RIMKLA: variants seen among roughly 807,000 people sequenced by gnomAD.
The protein encoded by RIMKLA is ribosomal modification protein rimK like family member A.
A neutral mutation model predicts 32.7 loss-of-function variants in RIMKLA; 14 were observed. The observed-to-expected ratio is 0.43, with a 90% confidence interval of 0.28 to 0.67. The LOEUF is 0.67. Among genes scored for constraint, RIMKLA ranks in the 30% least tolerant of loss-of-function variants. The pLI, the probability that RIMKLA is intolerant of heterozygous loss-of-function variation, is 0.18. For missense variants in RIMKLA, 410 were observed against 519.0 expected (o/e 0.79, Z 2.04); for synonymous variants, 176 against 204.1 (o/e 0.86, Z 1.18).
intron 1 of RIMKLA, among the ~76,000 whole-genome samples, chr1:42,385,631 C>T (rs1333016691): frequency 6.6e-6 from 1 of 151,976 alleles, no homozygotes; most frequent in Non-Finnish European, 1.5e-5. Flanking sequence ...ACCCCATGAA[C>T]TATGTTAGGA....
Position 42,415,138 on chromosome 1 carries a change from T to C in RIMKLA, c.*164T>C. ...ATGATTTAAGCAAATGGCCTAGCTT[T>C]GTGGTTTTTACAAAGACAAATATAA... is the stretch of plus-strand genomic sequence containing the variant. On this transcript the variant is annotated 3_prime_UTR_variant, in exon 5 of 5. Coordinates refer to ENST00000431473, the MANE Select transcript of RIMKLA (RefSeq NM_173642.4). The C allele has an allele frequency of 2.7e-6, 2 of 729,018 alleles. No individual in the cohort carries two copies. Among genetic ancestry groups the C allele is most frequent in the Non-Finnish European group, 4.4e-6 (2 of 458,276 alleles). The allele number at this position is 729,018 out of a possible 1,614,324, so 45.2% of individuals were successfully genotyped here.
chr1:42,390,036 CTTTTT>C (rs35754511), intron 1 of RIMKLA, among the ~76,000 whole-genome samples: 1 of 111,662 alleles, frequency 9.0e-6, no homozygotes, highest in South Asian at 2.9e-4. Context: ...TTTTCTTTTC[CTTTTT>C]TTTTTTTTTT....
At chr1:42,392,323 G>T (rs915026909) in intron 1 of RIMKLA, among the ~76,000 whole-genome samples, 1 of 151,068 alleles carries the variant, frequency 6.6e-6, no homozygotes, top group Non-Finnish European at 1.5e-5. Flanking sequence ...CCCTCCCCCT[G>T]CTCAACAAGA....
chr1:42,413,695 A>G (rs758323736), intron 4 of RIMKLA, among the ~76,000 whole-genome samples: 1 of 151,554 alleles, frequency 6.6e-6, no homozygotes, highest in Non-Finnish European at 1.5e-5. Flanking sequence ...ATAGTCTTTA[A>G]TCCCCTGTTT....
intron 2 of RIMKLA, among the ~76,000 whole-genome samples, chr1:42,401,706 T>C (rs764728374): frequency 2.4e-4 from 36 of 152,156 alleles, no homozygotes; most frequent in Non-Finnish European, 5.0e-4. Flanking sequence ...AATGGGAAGT[T>C]AGGAAATGGA....
Position 42,422,635 on chromosome 1 carries a change from A to G in RIMKLA, c.*7661A>G, listed in dbSNP as rs1019069993. 6.6e-6 allele frequency: 1 copy of G among 152,172 alleles called. No homozygotes were observed. Among genetic ancestry groups the G allele is most frequent in the Non-Finnish European group, 1.5e-5 (1 of 68,026 alleles). The allele number at this position is 152,172 out of a possible 1,614,324, so 9.4% of individuals were successfully genotyped here. ...TTCTGTGCCTTTTGGTGGTTCTTGT[A>G]AAGTAAGAATCACATGCTGAATCTA... On this transcript the variant is annotated 3_prime_UTR_variant, in exon 5 of 5. Transcript: ENST00000431473.
At chr1:42,390,218 A>G (rs1642989072) in intron 1 of RIMKLA, among the ~76,000 whole-genome samples, 2 of 151,990 alleles carry the variant, frequency 1.3e-5, no homozygotes, top group Admixed American at 6.6e-5. Flanking sequence ...CTGTATTTCT[A>G]GTAGAGATGG....
intron 2 of RIMKLA, 21 bp downstream of exon 2, chr1:42,399,655 T>A (rs1169081934): frequency 6.9e-7 from 1 of 1,444,356 alleles, no homozygotes; most frequent in African/African-American, 1.4e-5. Context: ...TTGAAATAGC[T>A]TCCCAAATCA....
Position 42,399,632 on chromosome 1 carries a change from A to G in RIMKLA, c.392A>G (p.Tyr131Cys), listed in dbSNP as rs1373948095. Residue 131 changes from tyrosine to cysteine, a missense_variant and splice_region_variant, in exon 2 of 5, where the codon TAT becomes TGT. By Grantham distance (194) the Tyr-to-Cys change is radical (BLOSUM62 -2). Coordinates refer to ENST00000431473, the MANE Select transcript of RIMKLA (RefSeq NM_173642.4). ...GTCCCCATGCCAGACACCTTCTCCT[A>G]TGGTGAGTCAGCTTGAAATAGCTTC... The part of the protein sequence containing the change: ...HGVPMPDTFS[Y>C]GGHEDFSKMI... 1 of 1,585,172 alleles carries G rather than the reference A, an allele frequency of 6.3e-7. No homozygotes were observed. Among genetic ancestry groups the G allele is most frequent in the Non-Finnish European group, 8.6e-7 (1 of 1,158,998 alleles).
intron 1 of RIMKLA, among the ~76,000 whole-genome samples, chr1:42,398,388 A>C (rs2148388996): frequency 6.6e-6 from 1 of 152,304 alleles, no homozygotes; most frequent in East Asian, 1.9e-4. Flanking sequence ...GTTTTCTTTG[A>C]TATTGAATTG....
At chr1:42,405,282 C>T (rs928921371) in intron 3 of RIMKLA, among the ~76,000 whole-genome samples, 1 of 152,196 alleles carries the variant, frequency 6.6e-6, no homozygotes. Flanking sequence ...TTTGTATGTG[C>T]CTCTAGCAGA....
chr1:42,392,779 C>G (rs1019112136), intron 1 of RIMKLA, among the ~76,000 whole-genome samples: 3 of 152,102 alleles, frequency 2.0e-5, no homozygotes. Context: ...ATCACCTGAG[C>G]TCAGAAGTTC....
chr1:42,423,907 G>A lies in RIMKLA; in HGVS notation c.*8933G>A, dbSNP rs942271929. Among the ~76,000 whole-genome samples the A allele has an allele frequency of 6.6e-6, 1 of 152,172 alleles. No individual in the cohort carries two copies. The highest frequency in any genetic ancestry group is 1.5e-5 in the Non-Finnish European group (1 of 68,042). On this transcript the variant is annotated 3_prime_UTR_variant, in exon 5 of 5. Transcript: ENST00000431473. ...TCTTGGTGAATCACAGCTCTTTAGAGCTCCTCAAGGGCCTAAGCATCTTTT... is the reference window on the plus strand; with the variant it reads ...TCTTGGTGAATCACAGCTCTTTAGAACTCCTCAAGGGCCTAAGCATCTTTT...
Position 42,423,865 on chromosome 1 carries a change from C to A in RIMKLA, c.*8891C>A, listed in dbSNP as rs976565993. Among the ~76,000 whole-genome samples, 1 of 152,218 alleles carries A rather than the reference C, an allele frequency of 6.6e-6. No individual in the cohort carries two copies. Among genetic ancestry groups the A allele is most frequent in the African/African-American group, 2.4e-5 (1 of 41,450 alleles). On this transcript the variant is annotated 3_prime_UTR_variant, in exon 5 of 5. Coordinates refer to ENST00000431473, the MANE Select transcript of RIMKLA (RefSeq NM_173642.4). ...TCAAAAATGATCGCTCTTCCACTAA[C>A]CTTAGGTCTACTGTACTCTTGGTGA...
At position 42,420,890 on chromosome 1, in the gene RIMKLA, A is replaced by G. The variant is rs1262137387; in HGVS notation, c.*5916A>G. On this transcript the variant is annotated 3_prime_UTR_variant, in exon 5 of 5. Coordinates refer to ENST00000431473, the MANE Select transcript of RIMKLA (RefSeq NM_173642.4). ...TTGTCACCTATAAATGTGATACATA[A>G]ACAAACTTGAATGTGTCGCACTTAA... 4.6e-5 allele frequency: 7 copies of G among 152,226 alleles called. No homozygotes were observed. The allele number at this position is 152,226 out of a possible 1,614,324, so 9.4% of individuals were successfully genotyped here.
chr1:42,392,041 T>C (rs1643003951), intron 1 of RIMKLA, among the ~76,000 whole-genome samples: 1 of 152,222 alleles, frequency 6.6e-6, no homozygotes, highest in Non-Finnish European at 1.5e-5. Context: ...ACTTTAGCCT[T>C]GAGACATTCT....
At position 42,417,743 on chromosome 1, in the gene RIMKLA, G is replaced by T. The variant is rs1482540991; in HGVS notation, c.*2769G>T. On this transcript the variant is annotated 3_prime_UTR_variant, in exon 5 of 5. Transcript: ENST00000431473. ...GAGGCCGAGGCGGGTGGATCATGAG[G>T]TCAGGAGATTGAGACCATTCTGGCT... is the stretch of plus-strand genomic sequence containing the variant. 1.3e-5 allele frequency: 2 copies of T among 152,250 alleles called. No individual in the cohort carries two copies. Among genetic ancestry groups the T allele is most frequent in the African/African-American group, 4.8e-5 (2 of 41,426 alleles). The allele number at this position is 152,250 out of a possible 1,614,324, so 9.4% of individuals were successfully genotyped here.
chr1:42,384,637 T>C (rs897980613), intron 1 of RIMKLA, among the ~76,000 whole-genome samples: 1 of 22,074 alleles, frequency 4.5e-5, no homozygotes, highest in African/African-American at 2.9e-4. Flanking sequence ...TGTGTGTGTA[T>C]ATATATATAT....
chr1:42,408,753 A>C (rs1643170726), intron 3 of RIMKLA, among the ~76,000 whole-genome samples: 1 of 152,138 alleles, frequency 6.6e-6, no homozygotes, highest in Non-Finnish European at 1.5e-5. Context: ...ACTTCAGAAG[A>C]GTTCCAGTCC....
Sources: gnomAD v4.1 joint callset for allele counts (sites outside exome capture counted in the v4.1 genomes callset) on GRCh38, gnomAD v4.1.1 for gene constraint, MANE v1.5 for transcripts, NCBI Gene and HGNC (gene_info 2026-07-23, HGNC 2026-07-21) for gene names.